Variants in CROCC observed in about 807,000 individuals in gnomAD.
The protein encoded by CROCC is rootletin.
In CROCC, 180 loss-of-function variants were observed where a neutral mutation model predicts 245.2. The ratio of observed to expected loss-of-function variants is 0.73; its 90% CI spans 0.65 to 0.83. The LOEUF (loss-of-function observed/expected upper bound fraction) is 0.83. CROCC is among the 40% of genes least tolerant of loss of function. CROCC has a pLI of 0.00. For synonymous variants in CROCC, 1,205 were observed against 1,241.6 expected, an observed-to-expected ratio of 0.97 and a Z score of 0.62; for missense variants, 2,688 against 2,779.4, an observed-to-expected ratio of 0.97 and a Z score of 0.74.
intron 17 of CROCC, among the ~76,000 whole-genome samples, chr1:16,947,234 T>G (rs1166372323): frequency 5.8e-4 from 89 of 152,342 alleles, no homozygotes; most frequent in African/African-American, 2.1e-3. Context: ...CCCAGCACTT[T>G]GGGAGGCCGA....
chr1:16,961,277 C>T, intron 27 of CROCC, 147 bp downstream of exon 27: 1 of 806,074 alleles, frequency 1.2e-6, no homozygotes, highest in South Asian at 5.5e-5. Flanking sequence ...ACTTCTTAGC[C>T]CCGTCCCCTC....
chr1:16,922,865 C>G (rs1166342080), intron 2 of CROCC, 67 bp downstream of exon 2: 1 of 1,559,998 alleles, frequency 6.4e-7, no homozygotes, highest in Non-Finnish European at 8.7e-7. Flanking sequence ...TGTCCCTTTC[C>G]TGAGCAGTCA....
intron 25 of CROCC, among the ~76,000 whole-genome samples, chr1:16,958,215 G>C (rs1052906676): frequency 6.6e-6 from 1 of 152,322 alleles, no homozygotes; most frequent in East Asian, 1.9e-4. Context: ...GCTTAGAACA[G>C]GACTGGACAC....
At chr1:16,942,575 A>C (rs149167076) in intron 13 of CROCC, among the ~76,000 whole-genome samples, 5,303 of 151,190 alleles carry the variant, frequency 0.035, no homozygotes, top group Middle Eastern at 0.052. Context: ...TTTTGTATGT[A>C]CTCTGTGATT....
intron 13 of CROCC, among the ~76,000 whole-genome samples, chr1:16,942,632 G>A (rs190966810): frequency 1.3e-5 from 2 of 152,406 alleles, no homozygotes; most frequent in East Asian, 3.8e-4. Context: ...GTTGTTGTAA[G>A]CTTGAGAGAC....
chr1:16,947,027 C>G (rs2076065031), intron 17 of CROCC, 36 bp downstream of exon 17: 1 of 1,514,838 alleles, frequency 6.6e-7, no homozygotes, highest in Non-Finnish European at 8.9e-7. Context: ...GTGTGGAGAG[C>G]ATGTGGGGCA....
At position 16,960,162 on chromosome 1, in the gene CROCC, A is replaced by C. The variant is rs573066965; in HGVS notation, c.4033-596A>C. On this transcript the variant is annotated intron_variant, in intron 26 of 36. Coordinates refer to ENST00000375541, the MANE Select transcript of CROCC (RefSeq NM_014675.5). ...CTCACCTGTAATCCCAGCTACTCGGAGGCTGAGGTGGGAGGATCACTTGAA... is the reference window on the plus strand; with the variant it reads ...CTCACCTGTAATCCCAGCTACTCGGCGGCTGAGGTGGGAGGATCACTTGAA... Among the ~76,000 whole-genome samples, 94 of 152,210 alleles carry C rather than the reference A, an allele frequency of 6.2e-4. 1 individual carries two copies. In the South Asian group the frequency reaches 0.011, roughly 17 times the overall value.
intron 26 of CROCC, among the ~76,000 whole-genome samples, chr1:16,959,941 A>G (rs541458040): frequency 6.6e-6 from 1 of 151,890 alleles, no homozygotes; most frequent in Non-Finnish European, 1.5e-5. Flanking sequence ...GCTGCTGTCA[A>G]GCTATTAAAA....
intron 31 of CROCC, 93 bp from the exon 32 acceptor site, chr1:16,969,023 G>A (rs1217693738): frequency 8.4e-7 from 1 of 1,191,884 alleles, no homozygotes; most frequent in Non-Finnish European, 1.2e-6. Flanking sequence ...GGAAGGGTGT[G>A]GATTGGGCAT....
At chr1:16,955,192 C>G in intron 23 of CROCC, 120 bp from the exon 24 acceptor site, 3 of 921,888 alleles carry the variant, frequency 3.3e-6, no homozygotes, top group South Asian at 3.1e-5. Context: ...TCACAGCCTG[C>G]GGTCTGAGCA....
In CROCC at chr1:16,969,774, CT is replaced by C; in HGVS notation, c.5302-10del. On this transcript the variant is annotated splice_polypyrimidine_tract_variant and intron_variant, in intron 32 of 36. Coordinates refer to ENST00000375541, the MANE Select transcript of CROCC (RefSeq NM_014675.5). ...CAGGCCAGCCAGGCACCATCAGCCC[CT>C]GTCCCCCAGGAACGGCTGGATGCCG... 6.2e-7 allele frequency: 1 copy of C among 1,610,958 alleles called. No homozygotes were observed. The highest frequency in any genetic ancestry group is 8.5e-7 in the Non-Finnish European group (1 of 1,178,722).
In CROCC at chr1:16,924,261, C is replaced by G. The variant is rs2075477534; in HGVS notation, c.197-64C>G. ...GGCCTGGATGGTTTTCTTGCCCTCC[C>G]TGTTGGGGGGAGGATGTCCCACTGG... On this transcript the variant is annotated intron_variant, in intron 2 of 36. Transcript: ENST00000375541. The G allele has an allele frequency of 3.2e-6, 5 of 1,580,182 alleles. No homozygotes were observed. In the Admixed American group the frequency reaches 6.8e-5, roughly 21 times the overall value.
intron 1 of CROCC, among the ~76,000 whole-genome samples, chr1:16,914,513 C>T (rs11203413): frequency 8.6e-4 from 131 of 152,374 alleles, no homozygotes; most frequent in African/African-American, 2.8e-3. Context: ...GGGCCCCGCC[C>T]TGCACTGCCC....
chr1:16,918,580 G>A (rs1400782460), upstream of CROCC, among the ~76,000 whole-genome samples: 1 of 152,224 alleles, frequency 6.6e-6, no homozygotes, highest in Non-Finnish European at 1.5e-5. Context: ...TGCAGGGCTG[G>A]ACATGCTGGT....
At chr1:16,921,878 G>T (rs1447480885), upstream of CROCC, 3 of 821,344 alleles carry the variant, frequency 3.7e-6, no homozygotes, top group Admixed American at 4.7e-5. Flanking sequence ...TCCCACCGCG[G>T]TGGTCACATG....
intron 17 of CROCC, 109 bp from the exon 18 acceptor site, chr1:16,948,222 C>T: frequency 7.0e-7 from 1 of 1,436,780 alleles, no homozygotes; most frequent in East Asian, 2.5e-5. Context: ...ACCCTGGGCT[C>T]AAACCCAGGC....
At position 16,970,637 on chromosome 1, in the gene CROCC, T is replaced by C. The variant is rs145138931; in HGVS notation, c.5654T>C (p.Val1885Ala). 2.6e-3 allele frequency: 3,949 copies of C among 1,544,768 alleles called. 26 individuals are homozygous for C. The highest frequency in any genetic ancestry group is 0.016 in the Middle Eastern group (91 of 5,652). The change falls in exon 35 of 37, where the codon GTG (valine) becomes GCG (alanine). Residue 1885 changes from valine to alanine, a missense_variant and splice_region_variant. Val to Ala is a moderately conservative substitution (Grantham distance 64). Coordinates refer to ENST00000375541, the MANE Select transcript of CROCC (RefSeq NM_014675.5). The part of the protein sequence containing the change: ...RVALRRTLDK[V>A]EREKLRSHED... Reference sequence around the variant, plus strand: ...ATCTCCTGTGGCTCTCCTGCCTAGGTGGAGCGGGAGAAGCTTCGTAGCCAT... The same window carrying C: ...ATCTCCTGTGGCTCTCCTGCCTAGGCGGAGCGGGAGAAGCTTCGTAGCCAT...
At chr1:16,931,984 C>T (rs182083014) in intron 8 of CROCC, among the ~76,000 whole-genome samples, 2 of 151,474 alleles carry the variant, frequency 1.3e-5, no homozygotes, top group African/African-American at 2.4e-5. Flanking sequence ...CCAGGATGGT[C>T]TCGAACTCCT....
chr1:16,948,918 C>G lies in CROCC; in HGVS notation c.2828C>G (p.Thr943Ser). The change falls in exon 19 of 37, where the codon ACC (threonine) becomes AGC (serine). Residue 943 changes from threonine (T) to serine (S), a missense_variant. Thr to Ser is a moderately conservative substitution (Grantham distance 58, BLOSUM62 1). Transcript: ENST00000375541. ...EGQALLLAKE[T>S]LTGELAGLRQ... ...CAGGCCCTGCTGCTGGCCAAGGAGA[C>G]CCTGACTGGTACGAGGGGCTGGGGA... 6.2e-7 allele frequency: 1 copy of G among 1,611,444 alleles called. No individual in the cohort carries two copies. The highest frequency in any genetic ancestry group is 8.5e-7 in the Non-Finnish European group (1 of 1,179,918).
Sources: gnomAD v4.1 joint callset for allele counts (sites outside exome capture counted in the v4.1 genomes callset) on GRCh38, gnomAD v4.1.1 for gene constraint, MANE v1.5 for transcripts, NCBI Gene and HGNC (gene_info 2026-07-23, HGNC 2026-07-21) for gene names.